Variants in MBD5 observed in about 807,000 individuals in gnomAD.
MBD5 encodes the protein methyl-CpG-binding domain protein 5.
A neutral mutation model predicts 117.3 loss-of-function variants in MBD5; 13 were observed. The ratio of observed to expected loss-of-function variants is 0.11; its 90% CI spans 0.07 to 0.18. MBD5 has a LOEUF of 0.18. MBD5 is among the 10% of genes least tolerant of loss of function. MBD5 has a pLI of 1.00. For synonymous variants in MBD5, 727 were observed against 766.4 expected (o/e 0.95, Z 0.85); for missense variants, 1,879 against 2,093.8 (o/e 0.90, Z 2.00).
intron 1 of MBD5, among the ~76,000 whole-genome samples, chr2:148,140,693 A>G (rs932110485): frequency 6.6e-6 from 1 of 152,124 alleles, no homozygotes; most frequent in Non-Finnish European, 1.5e-5. Context: ...TATATAAAAC[A>G]TTGCTAATAT....
At chr2:148,286,702 T>C (rs1054646727) in intron 3 of MBD5, among the ~76,000 whole-genome samples, 1 of 152,230 alleles carries the variant, frequency 6.6e-6, no homozygotes, top group African/African-American at 2.4e-5. Context: ...AAATTATTTT[T>C]ATGACTTGTC....
chr2:148,137,953 G>A (rs879444536), intron 1 of MBD5, among the ~76,000 whole-genome samples: 3 of 152,134 alleles, frequency 2.0e-5, no homozygotes, highest in Non-Finnish European at 2.9e-5. Context: ...ACTCTGTGAT[G>A]TTTGCATGAT....
chr2:148,324,159 G>C (rs1335609737), intron 3 of MBD5, among the ~76,000 whole-genome samples: 2 of 151,948 alleles, frequency 1.3e-5, no homozygotes, highest in Non-Finnish European at 2.9e-5. Context: ...TTGTAGATAT[G>C]TGGCGTTATT....
At chr2:148,450,742 A>G (rs1052977112) in intron 4 of MBD5, among the ~76,000 whole-genome samples, 2 of 152,192 alleles carry the variant, frequency 1.3e-5, no homozygotes, top group African/African-American at 2.4e-5. Flanking sequence ...GATTCAGCAT[A>G]TGGAGTGATA....
intron 4 of MBD5, among the ~76,000 whole-genome samples, chr2:148,371,636 T>G (rs1703855961): frequency 6.6e-6 from 1 of 151,954 alleles, no homozygotes; most frequent in Non-Finnish European, 1.5e-5. Flanking sequence ...TAACTTAGAG[T>G]GGAAAAGAAG....
At position 148,313,559 on chromosome 2, in the gene MBD5, G is replaced by A. The variant is rs920620188; in HGVS notation, c.-679-28655G>A. 1.3e-5 allele frequency among the ~76,000 whole-genome samples: 2 copies of A among 152,202 alleles called. 1 individual carries two copies. Among genetic ancestry groups the A allele is most frequent in the Admixed American group, 1.3e-4 (2 of 15,282 alleles). On this transcript the variant is annotated intron_variant, in intron 3 of 13. Transcript: ENST00000642680. The stretch of plus-strand genomic sequence containing the variant: ...TGGCCACGAGAATTTCAAGCCAGTG[G>A]ATCTTAACTTACTGGGCTCTGTGGG...
chr2:148,397,822 G>T (rs1004414919), intron 4 of MBD5, among the ~76,000 whole-genome samples: 19 of 136,160 alleles, frequency 1.4e-4, no homozygotes, highest in Non-Finnish European at 2.3e-4. Flanking sequence ...CCCACAACAG[G>T]CCCCAGTGTG....
At chr2:148,393,541 C>T (rs952687644) in intron 4 of MBD5, among the ~76,000 whole-genome samples, 1 of 151,904 alleles carries the variant, frequency 6.6e-6, no homozygotes, top group African/African-American at 2.4e-5. Flanking sequence ...ATTGTGCACC[C>T]CCAAAATAAA....
At position 148,483,626 on chromosome 2, in the gene MBD5, T is replaced by C. The variant is rs1559095288; in HGVS notation, c.3035T>C (p.Ile1012Thr). Residue 1012 changes from isoleucine (I) to threonine (T), a missense_variant, in exon 9 of 14, where the codon ATC becomes ACC. By Grantham distance (89) the Ile-to-Thr change is moderately conservative (BLOSUM62 -1). Around this residue, in one of 4 missense-constraint regions of MBD5, gnomAD observed 1,666 missense variants for 1,792.2 expected, o/e 0.93. Coordinates refer to ENST00000642680, the MANE Select transcript of MBD5 (RefSeq NM_001378120.1). ...MLPLPSFNLT[I>T]SDLLQQQNTP... ...CCCCTGCCATCTTTCAATCTGACCA[T>C]CTCAGATCTTTTGCAACAGCAAAAT... is the stretch of plus-strand genomic sequence containing the variant. 3 of 1,552,022 alleles carry C rather than the reference T, an allele frequency of 1.9e-6. No individual in the cohort carries two copies. Among genetic ancestry groups the C allele is most frequent in the Non-Finnish European group, 1.7e-6 (2 of 1,147,494 alleles).
intron 12 of MBD5, among the ~76,000 whole-genome samples, chr2:148,505,272 T>G (rs890245164): frequency 2.0e-5 from 3 of 152,154 alleles, no homozygotes; most frequent in Non-Finnish European, 4.4e-5. Flanking sequence ...CAGTACAGTT[T>G]GGGGTGCCTG....
At position 148,370,150 on chromosome 2, in the gene MBD5, G is replaced by C. The variant is rs150349729; in HGVS notation, c.-557+27814G>C. Among the ~76,000 whole-genome samples, 973 of 152,218 alleles carry C rather than the reference G, an allele frequency of 6.4e-3. 7 individuals carry two copies. The highest frequency in any genetic ancestry group is 0.011 in the Non-Finnish European group (736 of 68,000). ...TAAAAAAGACTTTGTGCAAGAAATT[G>C]TCTAGTTGTTGATACTTGCTTTGTA... On this transcript the variant is annotated intron_variant, in intron 4 of 13. Transcript: ENST00000642680.
intron 1 of MBD5, among the ~76,000 whole-genome samples, chr2:148,061,192 C>T (rs977646386): frequency 6.6e-6 from 1 of 152,044 alleles, no homozygotes; most frequent in Non-Finnish European, 1.5e-5. Flanking sequence ...TCCCCTGTAT[C>T]ATAACCCTGC....
intron 1 of MBD5, among the ~76,000 whole-genome samples, chr2:148,174,611 TA>T (rs1309669856): frequency 6.6e-6 from 1 of 150,950 alleles, no homozygotes; most frequent in African/African-American, 2.4e-5. Flanking sequence ...AAGAAAATTT[TA>T]AAAAAAAACA....
At chr2:148,234,561 A>G (rs1023123857) in intron 3 of MBD5, among the ~76,000 whole-genome samples, 2 of 152,178 alleles carry the variant, frequency 1.3e-5, no homozygotes, top group Non-Finnish European at 2.9e-5. Flanking sequence ...TTGCCTCACA[A>G]TTATAACAAT....
chr2:148,375,797 T>G (rs1191496053), intron 4 of MBD5, among the ~76,000 whole-genome samples: 5 of 152,260 alleles, frequency 3.3e-5, no homozygotes, highest in East Asian at 3.9e-4. Context: ...CAGATATTTC[T>G]TTGGGAAATT....
chr2:148,413,071 T>A (rs1705312700), intron 4 of MBD5, among the ~76,000 whole-genome samples: 1 of 152,090 alleles, frequency 6.6e-6, no homozygotes, highest in Admixed American at 6.5e-5. Context: ...TTTTGCTCAT[T>A]AAGTGTGATG....
At chr2:148,296,907 G>A (rs142292624) in intron 3 of MBD5, among the ~76,000 whole-genome samples, 1,133 of 80,620 alleles carry the variant, frequency 0.014, 10 homozygotes, top group African/African-American at 0.045. Flanking sequence ...TCACTCTGTC[G>A]CCCAGGCTGT....
intron 4 of MBD5, among the ~76,000 whole-genome samples, chr2:148,447,952 A>G (rs1006449793): frequency 1.3e-5 from 2 of 151,964 alleles, no homozygotes; most frequent in African/African-American, 4.8e-5. Context: ...TCTTCAGTAC[A>G]TCCTCTAAAA....
At chr2:148,031,889 C>A (rs546900497) in intron 1 of MBD5, among the ~76,000 whole-genome samples, 10 of 152,220 alleles carry the variant, frequency 6.6e-5, no homozygotes, top group Admixed American at 2.6e-4. Flanking sequence ...AACTATAAAT[C>A]ATCTATAAAT....
Sources: allele counts gnomAD v4.1 joint callset (sites outside exome capture counted in the v4.1 genomes callset), GRCh38; gene constraint gnomAD v4.1.1; regional missense constraint gnomAD v4.1.1; transcripts MANE v1.5; gene names NCBI Gene and HGNC (gene_info 2026-07-23, HGNC 2026-07-21).